The following PRKCH variants were observed in gnomAD, a reference collection of about 807,000 sequenced individuals.
The protein encoded by PRKCH is protein kinase C eta, also known as protein kinase C eta type.
Under a neutral mutation model 82.5 loss-of-function variants are expected in PRKCH, and 28 were observed. That is an observed-to-expected ratio of 0.34 (90% CI 0.25 to 0.47). The LOEUF (loss-of-function observed/expected upper bound fraction) is 0.47, where lower values mean the gene tolerates loss of function less well. PRKCH is among the 20% of genes least tolerant of loss of function. The pLI is 1.00. For synonymous variants in PRKCH, 322 were observed against 327.4 expected, an observed-to-expected ratio of 0.98 and a Z score of 0.18; for missense variants, 705 against 881.8, an observed-to-expected ratio of 0.80 and a Z score of 2.54.
intron 1 of PRKCH, among the ~76,000 whole-genome samples, chr14:61,231,455 C>T (rs140094976): frequency 9.3e-4 from 141 of 151,472 alleles, no homozygotes; most frequent in African/African-American, 2.9e-3. Context: ...CTCTGCCTCC[C>T]GGGTTCACGC....
chr14:61,194,980 T>A (rs966995247), intron 1 of PRKCH, among the ~76,000 whole-genome samples: 3 of 152,224 alleles, frequency 2.0e-5, no homozygotes, highest in Admixed American at 6.5e-5. Flanking sequence ...GTGATCCGCC[T>A]GCCTTTGCCT....
At chr14:61,256,725 G>A (rs182567120) in intron 1 of PRKCH, among the ~76,000 whole-genome samples, 10 of 152,136 alleles carry the variant, frequency 6.6e-5, no homozygotes, top group East Asian at 1.9e-4. Context: ...TTGTTGCTCC[G>A]AATTTTTTAC....
chr14:61,373,974 A>T (rs140945727), intron 1 of PRKCH, among the ~76,000 whole-genome samples: 87 of 152,250 alleles, frequency 5.7e-4, no homozygotes, highest in East Asian at 4.4e-3. Context: ...AGACAAAGGC[A>T]AGTCCCTTCC....
rs144233981 is a variant in PRKCH, at chr14:61,491,138, T to C, written c.1433+5482T>C. On this transcript the variant is annotated intron_variant, in intron 10 of 13. Transcript: ENST00000332981. The stretch of plus-strand genomic sequence containing the variant: ...AGATGTCTTTCATTTGAGCCTGGAG[T>C]TTTGGGCTCTTACTGTCACCTCACC... Among the ~76,000 whole-genome samples, 519 of 152,198 alleles carry C rather than the reference T, an allele frequency of 3.4e-3. 1 individual carries two copies. The highest frequency in any genetic ancestry group is 0.011 in the African/African-American group (443 of 41,536).
At chr14:61,418,711 C>T (rs985523912) in intron 2 of PRKCH, among the ~76,000 whole-genome samples, 2 of 152,230 alleles carry the variant, frequency 1.3e-5, no homozygotes, top group Admixed American at 1.3e-4. Context: ...ATAGATAGTT[C>T]AACAGCAATG....
chr14:61,489,536 A>G (rs1566910279), intron 10 of PRKCH, among the ~76,000 whole-genome samples: 1 of 152,236 alleles, frequency 6.6e-6, no homozygotes, highest in Non-Finnish European at 1.5e-5. Flanking sequence ...ACAGAAGCCC[A>G]GTTCCTAGGA....
intron 1 of PRKCH, among the ~76,000 whole-genome samples, chr14:61,371,656 T>C (rs960148967): frequency 6.6e-6 from 1 of 152,122 alleles, no homozygotes; most frequent in Non-Finnish European, 1.5e-5. Flanking sequence ...GCATACATGC[T>C]ATCAAAACGA....
At chr14:61,418,144 C>T (rs1882656770) in intron 2 of PRKCH, among the ~76,000 whole-genome samples, 1 of 152,218 alleles carries the variant, frequency 6.6e-6, no homozygotes, top group Non-Finnish European at 1.5e-5. Flanking sequence ...CTTACATTCA[C>T]ACACTGCAAA....
At chr14:61,225,493 C>A (rs1271450274) in intron 1 of PRKCH, among the ~76,000 whole-genome samples, 1 of 152,178 alleles carries the variant, frequency 6.6e-6, no homozygotes, top group Non-Finnish European at 1.5e-5. Context: ...TGTGAAGACA[C>A]TGAGCGCAGA....
At chr14:61,190,458 A>T (rs1388815194) in intron 1 of PRKCH, among the ~76,000 whole-genome samples, 1 of 152,208 alleles carries the variant, frequency 6.6e-6, no homozygotes, top group African/African-American at 2.4e-5. Context: ...TCTAAACAGC[A>T]GTCAGTATGG....
At chr14:61,380,369 G>C (rs2140184870) in intron 1 of PRKCH, among the ~76,000 whole-genome samples, 1 of 152,260 alleles carries the variant, frequency 6.6e-6, no homozygotes, top group East Asian at 1.9e-4. Flanking sequence ...TGGGATTTCA[G>C]GTGTGAGCCA....
chr14:61,480,538 A>C (rs1885927201), intron 9 of PRKCH, among the ~76,000 whole-genome samples: 2 of 152,114 alleles, frequency 1.3e-5, no homozygotes, highest in Non-Finnish European at 2.9e-5. Context: ...ATTTTGCTGG[A>C]GTGATTTGCT....
At chr14:61,482,244 G>A (rs971982076) in intron 9 of PRKCH, among the ~76,000 whole-genome samples, 1 of 152,052 alleles carries the variant, frequency 6.6e-6, no homozygotes, top group African/African-American at 2.4e-5. Context: ...TGATCTGCCC[G>A]CCTCAGCCTC....
chr14:61,320,602 A>AACAACAACAAC (rs1555375325), upstream of PRKCH, among the ~76,000 whole-genome samples: 183 of 151,518 alleles, frequency 1.2e-3, no homozygotes, highest in Non-Finnish European at 1.5e-3. Context: ...TCCGTCTCAA[A>AACAACAACAAC]AACAACAACA....
chr14:61,443,005 A>G (rs1884049679), intron 2 of PRKCH, 106 bp from the exon 3 acceptor site: 6 of 1,154,716 alleles, frequency 5.2e-6, no homozygotes, highest in African/African-American at 3.1e-5. Flanking sequence ...TGAAGAAAGA[A>G]AAAATAATTT....
chr14:61,287,803 ACAC>A (rs1424068166), intron 1 of PRKCH, among the ~76,000 whole-genome samples: 1 of 151,532 alleles, frequency 6.6e-6, no homozygotes, highest in African/African-American at 2.4e-5. Context: ...AGGGAGGGGG[ACAC>A]CATGACAGTG....
intron 1 of PRKCH, among the ~76,000 whole-genome samples, chr14:61,251,622 C>T (rs1284812640): frequency 2.0e-5 from 3 of 152,176 alleles, no homozygotes; most frequent in Non-Finnish European, 4.4e-5. Context: ...ACTCAGGTTG[C>T]TTCCAAATCT....
chr14:61,445,112 C>A (rs1043114779), intron 3 of PRKCH, among the ~76,000 whole-genome samples: 2 of 152,178 alleles, frequency 1.3e-5, no homozygotes, highest in Non-Finnish European at 2.9e-5. Flanking sequence ...AATGAGAATA[C>A]TCCTAATGTT....
intron 2 of PRKCH, among the ~76,000 whole-genome samples, chr14:61,441,615 G>A (rs1429259152): frequency 2.6e-5 from 4 of 151,924 alleles, no homozygotes; most frequent in African/African-American, 7.3e-5. Flanking sequence ...ATTTTTACTG[G>A]ATTGTTCATA....
Sources: allele counts gnomAD v4.1 joint callset (sites outside exome capture counted in the v4.1 genomes callset), GRCh38; gene constraint gnomAD v4.1.1; transcripts MANE v1.5; gene names NCBI Gene and HGNC (gene_info 2026-07-23, HGNC 2026-07-21).